PTPRF: variants seen among roughly 807,000 people sequenced by gnomAD.
The protein encoded by PTPRF is receptor-type tyrosine-protein phosphatase F.
PTPRF carries 59 observed loss-of-function variants against 201.8 expected under a neutral mutation model. The observed-to-expected ratio is 0.29, with a 90% CI of 0.24 to 0.36. PTPRF has a LOEUF of 0.36. PTPRF is among the 10% of genes least tolerant of loss of function. PTPRF has a pLI of 1.00. For missense variants in PTPRF, 2,132 were observed against 2,690.5 expected, an observed-to-expected ratio of 0.79 and a Z score of 4.59; for synonymous variants, 1,088 against 1,089.7, an observed-to-expected ratio of 1.00 and a Z score of 0.03.
chr1:43,588,662 G>A lies in PTPRF; in HGVS notation c.680-69G>A. 2.5e-6 allele frequency: 4 copies of A among 1,571,002 alleles called. No homozygotes were observed. The South Asian group carries it at 4.7e-5, about 18-fold the overall frequency. ...GACCAGAGGGGCTTCCTGAATGAGG[G>A]GCCCCTGCCCTTCCATGCAGTCGTG... On this transcript the variant is annotated intron_variant, in intron 7 of 33. Transcript: ENST00000359947. The surrounding 1 kb of genome is among the most constrained non-coding windows in gnomAD (Gnocchi z 5.3).
intron 5 of PTPRF, among the ~76,000 whole-genome samples, chr1:43,563,251 G>A (rs1372798030): frequency 6.6e-6 from 1 of 151,952 alleles, no homozygotes; most frequent in African/African-American, 2.4e-5. Flanking sequence ...GGAGGTGCAA[G>A]GCTCCAGGTT....
At chr1:43,586,915 AAGAATGCAGGT>A in intron 7 of PTPRF, among the ~76,000 whole-genome samples, 1 of 152,340 alleles carries the variant, frequency 6.6e-6, no homozygotes, top group South Asian at 2.1e-4. Flanking sequence ...CCCATGTATG[AAGAATGCAGGT>A]AGAAGTGGTT....
At chr1:43,604,442 CTT>C (rs999148546) in intron 16 of PTPRF, among the ~76,000 whole-genome samples, 20 of 152,214 alleles carry the variant, frequency 1.3e-4, no homozygotes, top group African/African-American at 4.6e-4. Context: ...CCACTGATCT[CTT>C]TTGACTGTGT....
chr1:43,614,985 C>A (rs944616102), intron 23 of PTPRF, among the ~76,000 whole-genome samples: 1 of 152,244 alleles, frequency 6.6e-6, no homozygotes, highest in African/African-American at 2.4e-5. Flanking sequence ...ACAGCTGTTT[C>A]CTCAGCACCT....
At chr1:43,576,015 A>C in intron 6 of PTPRF, 2 of 1,238,710 alleles carry the variant, frequency 1.6e-6, no homozygotes, top group Non-Finnish European at 2.2e-6. Context: ...TCACCTCCCC[A>C]TCCCCATCCC....
chr1:43,522,149 C>T (rs564820538), upstream of PTPRF, among the ~76,000 whole-genome samples: 117 of 152,300 alleles, frequency 7.7e-4, 1 homozygote, highest in Admixed American at 2.0e-4. Context: ...TGCCAGTTTC[C>T]CCCAGGAACC....
chr1:43,621,247 G>A lies in PTPRF; in HGVS notation c.5655+15G>A, dbSNP rs1323232804. On this transcript the variant is annotated intron_variant, in intron 33 of 33. Coordinates refer to ENST00000359947, the MANE Select transcript of PTPRF (RefSeq NM_002840.5). ...TGCAGACAGAGGTAACGCAGACCAGGCTGCAGGGCCAGGGCCTTGGCAGCA... is the reference window on the plus strand; with the variant it reads ...TGCAGACAGAGGTAACGCAGACCAGACTGCAGGGCCAGGGCCTTGGCAGCA... The A allele has an allele frequency of 1.9e-6, 3 of 1,612,820 alleles. No individual in the cohort carries two copies. Among genetic ancestry groups the A allele is most frequent in the African/African-American group, 1.3e-5 (1 of 74,930 alleles).
chr1:43,549,637 C>T (rs1366279562), intron 3 of PTPRF, among the ~76,000 whole-genome samples: 1 of 152,100 alleles, frequency 6.6e-6, no homozygotes, highest in Non-Finnish European at 1.5e-5. Context: ...GGTGGATCGC[C>T]AGAGCTCAGG....
chr1:43,523,466 C>T (rs549645094), upstream of PTPRF, among the ~76,000 whole-genome samples: 2 of 152,084 alleles, frequency 1.3e-5, no homozygotes, highest in East Asian at 3.9e-4. Context: ...AGGATGACCC[C>T]GCCAAGGAGA....
chr1:43,567,555 A>G (rs1484769877), intron 5 of PTPRF, among the ~76,000 whole-genome samples: 1 of 152,132 alleles, frequency 6.6e-6, no homozygotes, highest in Non-Finnish European at 1.5e-5. Flanking sequence ...TCTGCTCCTC[A>G]TGGGCCACAG....
chr1:43,570,850 A>G (rs1358771491), intron 6 of PTPRF, among the ~76,000 whole-genome samples: 1 of 152,222 alleles, frequency 6.6e-6, no homozygotes, highest in Non-Finnish European at 1.5e-5. Context: ...AGCGCAGTTA[A>G]TTAAAACAGC....
chr1:43,595,509 C>T (rs760797545), intron 11 of PTPRF, among the ~76,000 whole-genome samples: 4 of 152,138 alleles, frequency 2.6e-5, no homozygotes, highest in Admixed American at 1.3e-4. Flanking sequence ...CGTGAGCCAC[C>T]GCGCCCGGCC....
chr1:43,605,059 C>T, intron 17 of PTPRF, 59 bp downstream of exon 17: 1 of 1,593,862 alleles, frequency 6.3e-7, no homozygotes, highest in South Asian at 1.1e-5. Context: ...TGGGTGCTGT[C>T]TTTCCAGTCC....
At chr1:43,572,043 C>G (rs1646607904) in intron 6 of PTPRF, among the ~76,000 whole-genome samples, 1 of 152,364 alleles carries the variant, frequency 6.6e-6, no homozygotes, top group South Asian at 2.1e-4. Context: ...CTGAGCTGTG[C>G]TGACCCGTCC....
At chr1:43,565,442 C>G (rs982071399) in intron 5 of PTPRF, among the ~76,000 whole-genome samples, 38 of 152,240 alleles carry the variant, frequency 2.5e-4, no homozygotes, top group African/African-American at 8.4e-4. Context: ...GCACACATAT[C>G]TGCGTGAGCC....
At chr1:43,536,483 C>G (rs1048489191) in intron 1 of PTPRF, among the ~76,000 whole-genome samples, 1 of 152,186 alleles carries the variant, frequency 6.6e-6, no homozygotes. Context: ...TCTCCAAGCA[C>G]GAGACCCTGC....
In PTPRF at chr1:43,537,130, G is replaced by C. The variant is rs1644070173; in HGVS notation, c.-125-1068G>C. On this transcript the variant is annotated intron_variant, in intron 1 of 33. Coordinates refer to ENST00000359947, the MANE Select transcript of PTPRF (RefSeq NM_002840.5). This position sits in a 1 kb window ranked among gnomAD's most constrained non-coding sequence, Gnocchi z 4.8. ...CCTGCTGCAAGGTGCAGCTTGCGTC[G>C]AGTAGGCCAAACAGCTGAGCTTCCG... Among the ~76,000 whole-genome samples the C allele has an allele frequency of 6.6e-6, 1 of 152,126 alleles. No homozygotes were observed. The highest frequency in any genetic ancestry group is 2.1e-4 in the South Asian group (1 of 4,824).
intron 5 of PTPRF, among the ~76,000 whole-genome samples, chr1:43,566,849 A>G (rs1414672070): frequency 6.6e-6 from 1 of 152,106 alleles, no homozygotes; most frequent in African/African-American, 2.4e-5. Context: ...AGCTCTCCAC[A>G]CATTCTGGTT....
Position 43,605,586 on chromosome 1 carries a change from A to G in PTPRF, c.3447A>G (p.Pro1149=). Residue 1149 remains proline, a synonymous_variant, in exon 19 of 34, where the codon CCA becomes CCG. Coordinates refer to ENST00000359947, the MANE Select transcript of PTPRF (RefSeq NM_002840.5). ...IDRVGGSMLT[P]RWSTPEELEL... ...GTGTGGGCGGGAGCATGCTGACGCC[A>G]AGGTGGAGCACACCCGAGGAACTGG... 6.2e-7 allele frequency: 1 copy of G among 1,614,076 alleles called. No individual in the cohort carries two copies. The highest frequency in any genetic ancestry group is 1.1e-5 in the South Asian group (1 of 91,076).
Sources: gnomAD v4.1 joint callset for allele counts (sites outside exome capture counted in the v4.1 genomes callset) on GRCh38, gnomAD v4.1.1 for gene constraint, Gnocchi (gnomAD v3.1) non-coding constraint, MANE v1.5 for transcripts, NCBI Gene and HGNC (gene_info 2026-07-23, HGNC 2026-07-21) for gene names.